The following LRRC63 variants were observed in gnomAD, a reference collection of about 807,000 sequenced individuals.
LRRC63 encodes the protein leucine rich repeat containing 63.
Under a neutral mutation model 49.5 loss-of-function variants are expected in LRRC63, and 40 were observed. The ratio of observed to expected loss-of-function variants is 0.81; its 90% CI spans 0.63 to 1.05. The LOEUF (loss-of-function observed/expected upper bound fraction) is 1.05, where lower values mean the gene tolerates loss of function less well. Ranked by LOEUF, LRRC63 falls within the 50% of genes least tolerant of loss-of-function variation. The pLI, the probability that LRRC63 is intolerant of heterozygous loss-of-function variation, is 0.00. For synonymous variants in LRRC63, 191 were observed against 221.1 expected, an observed-to-expected ratio of 0.86 and a Z score of 1.21; for missense variants, 636 against 663.1, an observed-to-expected ratio of 0.96 and a Z score of 0.45.
intron 7 of LRRC63, among the ~76,000 whole-genome samples, chr13:46,256,618 A>G (rs1353833116): frequency 2.0e-5 from 3 of 152,134 alleles, no homozygotes; most frequent in South Asian, 2.1e-4. Context: ...TGCCTGTCTC[A>G]CCATTGTATT....
rs183147672 is a variant in LRRC63, at chr13:46,271,634, A to G, written c.1550+4662A>G. On this transcript the variant is annotated intron_variant, in intron 9 of 9. Transcript: ENST00000595396. ...GTAGTCACTCAGTCTCACATACTCT[A>G]GTTACCAGCAAATAAGTTACTGAGA... 1.1e-3 allele frequency among the ~76,000 whole-genome samples: 166 copies of G among 151,768 alleles called. 1 individual carries two copies. The highest frequency in any genetic ancestry group is 6.8e-3 in the Middle Eastern group (2 of 294).
At chr13:46,213,072 C>G (rs1566460854) in exon 2 of LRRC63, 1 of 1,549,860 alleles carries the variant, frequency 6.5e-7, no homozygotes, top group Non-Finnish European at 8.7e-7. Context: ...AGACCCTTAC[C>G]TCCAAAATTC....
chr13:46,258,193 G>C (rs7993845), intron 7 of LRRC63, among the ~76,000 whole-genome samples: 59,729 of 146,204 alleles, frequency 0.41, 13,691 homozygotes, highest in African/African-American at 0.61. Flanking sequence ...GCAATGGCAC[G>C]ATCTTGGCTC....
exon 7 of LRRC63, chr13:46,250,429 A>G (rs2047347310): frequency 6.5e-7 from 1 of 1,536,240 alleles, no homozygotes. Context: ...CTGAAATTCA[A>G]CAACTTGAGT....
intron 9 of LRRC63, among the ~76,000 whole-genome samples, chr13:46,274,339 C>T (rs1594104429): frequency 6.6e-6 from 1 of 152,206 alleles, no homozygotes; most frequent in Non-Finnish European, 1.5e-5. Flanking sequence ...TGTCACCCAA[C>T]CACTGTCATC....
Position 46,225,381 on chromosome 13 carries a change from G to T in LRRC63, c.86-2131G>T, listed in dbSNP as rs1042197300. ...AGTCAAGCAGGTCTCTGGATCACCT[G>T]CCCCAGGCTTCAGCAGCAGTAGCAG... is the stretch of plus-strand genomic sequence containing the variant. On this transcript the variant is annotated intron_variant, in intron 2 of 9. Coordinates refer to ENST00000595396, the Ensembl canonical transcript of LRRC63. 2.6e-5 allele frequency among the ~76,000 whole-genome samples: 4 copies of T among 152,338 alleles called. No individual in the cohort carries two copies. The South Asian group carries it at 8.3e-4, about 32-fold the overall frequency.
At chr13:46,214,207 G>A (rs1426156934) in intron 2 of LRRC63, among the ~76,000 whole-genome samples, 14 of 151,992 alleles carry the variant, frequency 9.2e-5, no homozygotes. Flanking sequence ...CATTTATACT[G>A]TTCAAATATA....
intron 9 of LRRC63, among the ~76,000 whole-genome samples, chr13:46,275,084 G>T (rs905411065): frequency 6.6e-6 from 1 of 151,936 alleles, no homozygotes; most frequent in African/African-American, 2.4e-5. Context: ...GTGCCGTTCT[G>T]TGCCTGACTT....
intron 9 of LRRC63, among the ~76,000 whole-genome samples, chr13:46,269,906 CAT>C (rs149054055): frequency 4.8e-5 from 7 of 145,590 alleles, no homozygotes; most frequent in Middle Eastern, 3.6e-3. Context: ...ACACTATATA[CAT>C]ATATATATAT....
intron 5 of LRRC63, among the ~76,000 whole-genome samples, chr13:46,235,205 T>G (rs796299761): frequency 1.6e-4 from 25 of 152,126 alleles, no homozygotes; most frequent in African/African-American, 6.0e-4. Flanking sequence ...TAGCACAGAG[T>G]CGATCTGAAA....
chr13:46,227,169 G>T (rs528351416), intron 2 of LRRC63, among the ~76,000 whole-genome samples: 20 of 152,260 alleles, frequency 1.3e-4, no homozygotes, highest in African/African-American at 4.6e-4. Flanking sequence ...TTCATCAATT[G>T]TATCCATCCC....
intron 9 of LRRC63, among the ~76,000 whole-genome samples, chr13:46,272,294 A>G (rs2047770999): frequency 6.6e-6 from 1 of 152,216 alleles, no homozygotes; most frequent in Non-Finnish European, 1.5e-5. Context: ...TCTTCCATAA[A>G]TCAATAAGAA....
chr13:46,228,643 C>T (rs1264270684), intron 3 of LRRC63, 22 bp from the exon 4 acceptor site: 2 of 1,406,368 alleles, frequency 1.4e-6, no homozygotes, highest in Non-Finnish European at 9.8e-7. Context: ...AAAGTCATCC[C>T]ATTTGTTTTT....
chr13:46,261,991 A>G (rs2047622070), exon 8 of LRRC63: 9 of 1,109,172 alleles, frequency 8.1e-6, no homozygotes, highest in Admixed American at 4.1e-5. Flanking sequence ...TCAGAAACTC[A>G]GGTATTTTGG....
intron 8 of LRRC63, among the ~76,000 whole-genome samples, chr13:46,265,586 G>C (rs897564679): frequency 2.0e-5 from 3 of 152,106 alleles, no homozygotes; most frequent in African/African-American, 7.2e-5. Flanking sequence ...CTAATCTCAC[G>C]CATGAGGGCT....
intron 9 of LRRC63, among the ~76,000 whole-genome samples, chr13:46,275,656 A>ATTT (rs34767583): frequency 6.0e-5 from 9 of 148,978 alleles, no homozygotes; most frequent in African/African-American, 2.2e-4. Flanking sequence ...TTAAAATCAG[A>ATTT]TTTTTTTTTT....
chr13:46,213,458 T>A (rs1290805428), intron 2 of LRRC63, among the ~76,000 whole-genome samples: 1 of 152,198 alleles, frequency 6.6e-6, no homozygotes, highest in Non-Finnish European at 1.5e-5. Flanking sequence ...TACCTCTACC[T>A]TCTTGTTTCA....
chr13:46,241,195 CA>C lies in LRRC63; in HGVS notation c.991-5329del, dbSNP rs1322282617. Among the ~76,000 whole-genome samples, 5 of 152,268 alleles carry C rather than the reference CA, an allele frequency of 3.3e-5. No individual in the cohort carries two copies. The East Asian group carries it at 9.6e-4, about 29-fold the overall frequency. On this transcript the variant is annotated intron_variant, in intron 5 of 9. Transcript: ENST00000595396. Reference sequence around the variant, plus strand: ...ATACCTACAACTATCTGATCTTTGACAAAGCTGACAAAAACAAGCAATGGGG... The same window carrying C: ...ATACCTACAACTATCTGATCTTTGACAAGCTGACAAAAACAAGCAATGGGG...
At chr13:46,259,545 T>C (rs1664120985) in intron 7 of LRRC63, among the ~76,000 whole-genome samples, 1 of 152,202 alleles carries the variant, frequency 6.6e-6, no homozygotes, top group Admixed American at 6.5e-5. Context: ...GAGAAACTAT[T>C]TGGAACAAAA....
Sources: gnomAD v4.1 joint callset for allele counts (sites outside exome capture counted in the v4.1 genomes callset) on GRCh38, gnomAD v4.1.1 for gene constraint, MANE v1.5 for transcripts, NCBI Gene and HGNC (gene_info 2026-07-23, HGNC 2026-07-21) for gene names.